TOLLIP: variants seen among roughly 807,000 people sequenced by gnomAD.
TOLLIP encodes the protein toll interacting protein.
Under a neutral mutation model 33.5 loss-of-function variants are expected in TOLLIP, and 16 were observed. The ratio of observed to expected loss-of-function variants is 0.48; its 90% CI spans 0.32 to 0.72. The LOEUF is 0.72. Among genes scored for constraint, TOLLIP ranks in the 30% least tolerant of loss-of-function variants. TOLLIP has a pLI of 0.03. For missense variants in TOLLIP, 325 were observed against 396.6 expected (o/e 0.82, Z 1.53); for synonymous variants, 176 against 163.7 (o/e 1.07, Z -0.57).
chr11:1,307,217 G>A (rs1864443421), intron 1 of TOLLIP, among the ~76,000 whole-genome samples: 2 of 152,178 alleles, frequency 1.3e-5, no homozygotes, highest in African/African-American at 4.8e-5. Flanking sequence ...AAGAGACCCT[G>A]GCAGCTCCGA....
chr11:1,303,006 T>C lies in TOLLIP; in HGVS notation c.33+6460A>G, dbSNP rs905506236. 1.3e-5 allele frequency among the ~76,000 whole-genome samples: 2 copies of C among 151,966 alleles called. No homozygotes were observed. The highest frequency in any genetic ancestry group is 4.8e-5 in the African/African-American group (2 of 41,422). On this transcript the variant is annotated intron_variant, in intron 1 of 5. Transcript: ENST00000317204. The surrounding 1 kb of genome is among the most constrained non-coding windows in gnomAD (Gnocchi z 4.2). ...CACAACAGGCGCTTCAAAGCCAACA[T>C]GCCGGGAGGTTCCCTGGCTCTGCTA... is the stretch of plus-strand genomic sequence containing the variant.
At chr11:1,299,647 A>G (rs1334647662) in intron 1 of TOLLIP, among the ~76,000 whole-genome samples, 4 of 152,216 alleles carry the variant, frequency 2.6e-5, no homozygotes, top group Non-Finnish European at 5.9e-5. Flanking sequence ...TACATAATGG[A>G]TATTTTTCTA....
At chr11:1,279,682 C>T (rs767462016) in intron 5 of TOLLIP, among the ~76,000 whole-genome samples, 3 of 152,360 alleles carry the variant, frequency 2.0e-5, no homozygotes, top group South Asian at 2.1e-4. Context: ...ACGTTCTTCA[C>T]GCCGTGTGAA....
intron 1 of TOLLIP, 124 bp from the exon 2 acceptor site, chr11:1,295,918 G>T: frequency 8.0e-7 from 1 of 1,243,458 alleles, no homozygotes; most frequent in Non-Finnish European, 1.1e-6. Context: ...GTCCTGGACT[G>T]TGCTCAGCCT....
At chr11:1,305,056 A>C (rs950125860) in intron 1 of TOLLIP, among the ~76,000 whole-genome samples, 4 of 152,262 alleles carry the variant, frequency 2.6e-5, no homozygotes, top group Non-Finnish European at 5.9e-5. Flanking sequence ...ATACTCTCTA[A>C]AAGACAGCTG....
chr11:1,299,442 C>T (rs5743922), intron 1 of TOLLIP, among the ~76,000 whole-genome samples: 8,916 of 152,172 alleles, frequency 0.059, 364 homozygotes, highest in Middle Eastern at 0.1. Context: ...TGAAGTAAAC[C>T]CTATCGTTTC....
intron 5 of TOLLIP, among the ~76,000 whole-genome samples, chr11:1,284,165 G>A (rs1056827608): frequency 3.9e-5 from 6 of 152,156 alleles, no homozygotes; most frequent in African/African-American, 1.4e-4. Flanking sequence ...CAGCTGTGGG[G>A]CTCCCATGCT....
intron 5 of TOLLIP, 110 bp downstream of exon 5, chr11:1,285,892 G>A (rs5743978): frequency 0.056 from 40,258 of 718,044 alleles, 1,431 homozygotes; most frequent in Admixed American, 0.12. Flanking sequence ...ATTCTAGAAT[G>A]GATGACGTCC....
rs1863717564 is a variant in TOLLIP, at chr11:1,286,836, GTC to G, written c.520-746_520-745del. On this transcript the variant is annotated intron_variant, in intron 4 of 5. Coordinates refer to ENST00000317204, the MANE Select transcript of TOLLIP (RefSeq NM_019009.4). ...GTGGATAAGTCACTGCACTGCTGTC[GTC>G]TCTGAGTTTAGTTCAAAACTGTCCA... 2.0e-5 allele frequency among the ~76,000 whole-genome samples: 3 copies of G among 147,452 alleles called. No individual in the cohort carries two copies. In the South Asian group the frequency reaches 6.5e-4, roughly 32 times the overall value.
chr11:1,283,838 C>T (rs191639026), intron 5 of TOLLIP, among the ~76,000 whole-genome samples: 6 of 152,216 alleles, frequency 3.9e-5, no homozygotes, highest in Non-Finnish European at 5.9e-5. Flanking sequence ...TTGGAGGAGA[C>T]GGGGAGGATC....
intron 4 of TOLLIP, among the ~76,000 whole-genome samples, chr11:1,288,106 C>A (rs574179624): frequency 6.6e-6 from 1 of 152,116 alleles, no homozygotes; most frequent in Non-Finnish European, 1.5e-5. Context: ...AGGGCGCTGA[C>A]GTGCTGGCCC....
intron 1 of TOLLIP, among the ~76,000 whole-genome samples, chr11:1,307,689 A>G (rs897087868): frequency 1.3e-5 from 2 of 152,212 alleles, no homozygotes; most frequent in Non-Finnish European, 2.9e-5. Flanking sequence ...TTAGGCAGAA[A>G]GGAGCACTTG....
At chr11:1,301,562 G>A (rs1267649055) in intron 1 of TOLLIP, among the ~76,000 whole-genome samples, 3 of 152,102 alleles carry the variant, frequency 2.0e-5, no homozygotes, top group Non-Finnish European at 1.5e-5. Flanking sequence ...ACACACGGCC[G>A]CCAAACCCCA....
At chr11:1,285,954 C>T (rs761153223) in intron 5 of TOLLIP, 48 bp downstream of exon 5, 18 of 1,496,474 alleles carry the variant, frequency 1.2e-5, no homozygotes, top group East Asian at 2.4e-5. Context: ...GCCCTAGGCC[C>T]TGGGGTTTCT....
chr11:1,305,432 C>A (rs1273015535), intron 1 of TOLLIP, among the ~76,000 whole-genome samples: 2 of 152,154 alleles, frequency 1.3e-5, no homozygotes, highest in Non-Finnish European at 2.9e-5. Flanking sequence ...GAGAGAAAGC[C>A]CACACACATC....
intron 1 of TOLLIP, among the ~76,000 whole-genome samples, chr11:1,299,867 C>A (rs1024391534): frequency 6.6e-6 from 1 of 152,330 alleles, no homozygotes; most frequent in Admixed American, 6.5e-5. Flanking sequence ...CGCATCGCCA[C>A]GCGGCCTCAC....
intron 2 of TOLLIP, among the ~76,000 whole-genome samples, chr11:1,295,195 C>T (rs1182829757): frequency 6.6e-6 from 1 of 152,224 alleles, no homozygotes; most frequent in Admixed American, 6.5e-5. Flanking sequence ...TGAAAGACCA[C>T]TAAGCAACCA....
intron 2 of TOLLIP, among the ~76,000 whole-genome samples, chr11:1,291,656 C>T (rs1250992230): frequency 1.3e-5 from 2 of 150,638 alleles, no homozygotes; most frequent in African/African-American, 4.9e-5. Flanking sequence ...AGGGCACGGC[C>T]GCCCCGTCCT....
Position 1,290,517 on chromosome 11 carries a change from C to A in TOLLIP, c.184-108G>T. The A allele has an allele frequency of 9.9e-7, 1 of 1,010,566 alleles. No homozygotes were observed. Among genetic ancestry groups the A allele is most frequent in the Admixed American group, 2.3e-5 (1 of 43,372 alleles). 62.6% of individuals were successfully genotyped at this position (1,010,566 alleles called of 1,614,324 possible). A position where few individuals can be genotyped will look rare whatever the true frequency, so the allele number is the denominator to read the frequency against. ...CCTTCCACGAGGCCTTTTCCTAACA[C>A]ATAGACTACAGCCACTCAGAGTCGC... On this transcript the variant is annotated intron_variant, in intron 2 of 5. Transcript: ENST00000317204. The surrounding 1 kb of genome is among the most constrained non-coding windows in gnomAD (Gnocchi z 4.9).
Sources: allele counts gnomAD v4.1 joint callset (sites outside exome capture counted in the v4.1 genomes callset), GRCh38; gene constraint gnomAD v4.1.1; non-coding constraint Gnocchi (gnomAD v3.1); transcripts MANE v1.5; gene names NCBI Gene and HGNC (gene_info 2026-07-23, HGNC 2026-07-21).